ASCC1: variants seen among roughly 807,000 people sequenced by gnomAD.
The protein encoded by ASCC1 is activating signal cointegrator 1 complex subunit 1.
A neutral mutation model predicts 46.6 loss-of-function variants in ASCC1; 35 were observed. That is an observed-to-expected ratio of 0.75 (90% CI 0.57 to 0.99). ASCC1 has a LOEUF of 0.99. Among genes scored for constraint, ASCC1 ranks in the 50% least tolerant of loss-of-function variants. The pLI is 0.00. For synonymous variants in ASCC1, 143 were observed against 146.6 expected, an observed-to-expected ratio of 0.98 and a Z score of 0.18; for missense variants, 376 against 428.7, an observed-to-expected ratio of 0.88 and a Z score of 1.09.
intron 5 of ASCC1, among the ~76,000 whole-genome samples, chr10:72,191,820 G>T (rs573257282): frequency 4.0e-5 from 6 of 151,676 alleles, no homozygotes; most frequent in African/African-American, 1.2e-4. Flanking sequence ...CTAATTTTTT[G>T]TATTTTTAGT....
chr10:72,167,142 A>C (rs1481886147), intron 5 of ASCC1, among the ~76,000 whole-genome samples: 3 of 152,212 alleles, frequency 2.0e-5, no homozygotes, highest in Non-Finnish European at 4.4e-5. Flanking sequence ...ATCCACCTCA[A>C]GATGTGTACA....
intron 9 of ASCC1, among the ~76,000 whole-genome samples, chr10:72,098,057 A>T (rs951590302): frequency 6.6e-6 from 1 of 152,132 alleles, no homozygotes; most frequent in African/African-American, 2.4e-5. Flanking sequence ...CTTATCAAAT[A>T]CCTTTATTAG....
intron 3 of ASCC1, among the ~76,000 whole-genome samples, chr10:72,207,078 G>C (rs1464194072): frequency 1.3e-5 from 2 of 152,132 alleles, no homozygotes; most frequent in East Asian, 1.9e-4. Context: ...TCAGTTAAAA[G>C]TATAACTGGA....
intron 6 of ASCC1, among the ~76,000 whole-genome samples, chr10:72,157,188 T>A (rs1041994165): frequency 6.6e-6 from 1 of 152,160 alleles, no homozygotes; most frequent in African/African-American, 2.4e-5. Flanking sequence ...AGAAGTGAAA[T>A]GTTTCAAAAC....
At chr10:72,194,570 A>C (rs1425566388) in intron 5 of ASCC1, among the ~76,000 whole-genome samples, 1 of 151,860 alleles carries the variant, frequency 6.6e-6, no homozygotes, top group Non-Finnish European at 1.5e-5. Flanking sequence ...TAAAATAAAC[A>C]GTATAAGTAA....
chr10:72,150,606 G>A (rs990688408), intron 7 of ASCC1, among the ~76,000 whole-genome samples: 4 of 152,166 alleles, frequency 2.6e-5, no homozygotes, highest in African/African-American at 7.2e-5. Flanking sequence ...ACTGAGAATC[G>A]CTGGGAGGGA....
At chr10:72,195,598 C>A (rs1855291353) in intron 5 of ASCC1, among the ~76,000 whole-genome samples, 1 of 150,272 alleles carries the variant, frequency 6.7e-6, no homozygotes, top group African/African-American at 2.5e-5. Context: ...CTCTTCTTCC[C>A]CAGGCCGGCA....
chr10:72,109,472 G>T (rs1244783641), intron 9 of ASCC1, among the ~76,000 whole-genome samples: 1 of 152,166 alleles, frequency 6.6e-6, no homozygotes, highest in Non-Finnish European at 1.5e-5. Flanking sequence ...GTGAGCAAGA[G>T]GAATGCTCAA....
At chr10:72,157,279 A>G (rs766918604) in intron 6 of ASCC1, among the ~76,000 whole-genome samples, 6 of 152,186 alleles carry the variant, frequency 3.9e-5, no homozygotes, top group Non-Finnish European at 8.8e-5. Flanking sequence ...GTACTAGCCA[A>G]AGAATTCGAT....
chr10:72,164,810 A>G (rs1194173427), intron 5 of ASCC1, among the ~76,000 whole-genome samples: 11 of 152,192 alleles, frequency 7.2e-5, no homozygotes, highest in Non-Finnish European at 1.2e-4. Flanking sequence ...TAAAAAAATG[A>G]TAGCGATCCT....
intron 9 of ASCC1, among the ~76,000 whole-genome samples, chr10:72,105,334 C>T (rs371209392): frequency 7.2e-5 from 11 of 152,188 alleles, no homozygotes; most frequent in Admixed American, 4.6e-4. Context: ...GACACTGCCA[C>T]GGGGCCCACA....
chr10:72,157,760 AC>A (rs1461985016), intron 6 of ASCC1, among the ~76,000 whole-genome samples: 7 of 152,200 alleles, frequency 4.6e-5, no homozygotes, highest in African/African-American at 1.7e-4. Flanking sequence ...TTTTACCACA[AC>A]TGAAAATTTT....
intron 7 of ASCC1, among the ~76,000 whole-genome samples, chr10:72,147,180 G>A (rs1847734839): frequency 6.6e-6 from 1 of 151,638 alleles, no homozygotes; most frequent in African/African-American, 2.4e-5. Flanking sequence ...AAAAACTAGA[G>A]CAGTACAAGA....
intron 2 of ASCC1, among the ~76,000 whole-genome samples, chr10:72,211,410 C>A (rs532294807): frequency 8.5e-5 from 13 of 152,136 alleles, no homozygotes; most frequent in African/African-American, 3.1e-4. Flanking sequence ...GCCTGGGCAA[C>A]AAAGTAAAAC....
In ASCC1 at chr10:72,138,600, CTTTTTTTTTT is replaced by C. The variant is rs1011535460; in HGVS notation, c.747-5429_747-5420del. On this transcript the variant is annotated intron_variant, in intron 7 of 9. Transcript: ENST00000672957. Reference sequence around the variant, plus strand: ...CTGTTTCCTTTTTCTTTCTTTCTTTCTTTTTTTTTTTTTTTTTTTTTTTGAGATGGAGTCA... The same window carrying C: ...CTGTTTCCTTTTTCTTTCTTTCTTTCTTTTTTTTTTTTTGAGATGGAGTCA... 8.6e-5 allele frequency among the ~76,000 whole-genome samples: 9 copies of C among 104,522 alleles called. No homozygotes were observed. In the East Asian group the frequency reaches 2.4e-3, roughly 28 times the overall value. 68.6% of individuals were successfully genotyped at this position (104,522 alleles called of 152,430 possible).
chr10:72,098,090 T>C (rs983561198), intron 9 of ASCC1, among the ~76,000 whole-genome samples: 1 of 152,170 alleles, frequency 6.6e-6, no homozygotes, highest in Non-Finnish European at 1.5e-5. Flanking sequence ...GCCAGCGACC[T>C]AAAATAAATA....
At chr10:72,136,360 G>A (rs59040879) in intron 7 of ASCC1, among the ~76,000 whole-genome samples, 6,478 of 150,562 alleles carry the variant, frequency 0.043, 401 homozygotes, top group African/African-American at 0.13. Context: ...ACCAATCAGC[G>A]CTCTGTGTCT....
At chr10:72,200,353 A>G (rs868092003) in intron 4 of ASCC1, among the ~76,000 whole-genome samples, 1 of 152,120 alleles carries the variant, frequency 6.6e-6, no homozygotes, top group Admixed American at 6.6e-5. Context: ...TTAATTTTAT[A>G]ATCAGAAAAA....
At chr10:72,102,049 C>A (rs1017893425) in intron 9 of ASCC1, among the ~76,000 whole-genome samples, 3 of 152,036 alleles carry the variant, frequency 2.0e-5, no homozygotes, top group African/African-American at 7.3e-5. Context: ...GAGCTTAATA[C>A]CTGAGTGATG....
Sources: allele counts gnomAD v4.1 joint callset (sites outside exome capture counted in the v4.1 genomes callset), GRCh38; gene constraint gnomAD v4.1.1; transcripts MANE v1.5; gene names NCBI Gene and HGNC (gene_info 2026-07-23, HGNC 2026-07-21).